SDK1: variants seen among roughly 807,000 people sequenced by gnomAD.
The protein encoded by SDK1 is protein sidekick-1.
In SDK1, 157 loss-of-function variants were observed where a neutral mutation model predicts 245.5. That is an observed-to-expected ratio of 0.64 (90% CI 0.56 to 0.73). The LOEUF is 0.73. Ranked by LOEUF, SDK1 falls within the 30% of genes least tolerant of loss-of-function variation. SDK1 has a pLI of 0.00. For missense variants in SDK1, 3,583 were observed against 3,002.3 expected, an observed-to-expected ratio of 1.19 and a Z score of -4.52; for synonymous variants, 1,647 against 1,278.5, an observed-to-expected ratio of 1.29 and a Z score of -6.15.
At chr7:4,007,846 C>G (rs930133101) in intron 14 of SDK1, among the ~76,000 whole-genome samples, 1 of 152,106 alleles carries the variant, frequency 6.6e-6, no homozygotes, top group Admixed American at 6.5e-5. Context: ...CCTCGTGATC[C>G]ACCTGCCTCA....
rs576112921 is a variant in SDK1 at position 3,373,888 on chromosome 7, A to T, written c.298+72004A>T. Among the ~76,000 whole-genome samples the T allele has an allele frequency of 2.6e-5, 4 of 152,264 alleles. No homozygotes were observed. In the South Asian group the frequency reaches 8.3e-4, roughly 32 times the overall value. On this transcript the variant is annotated intron_variant, in intron 1 of 44. Transcript: ENST00000404826. ...CTCATTCACAATCACAAGCCCAAAA[A>T]CTTGAAATAAACTTGATAAGTACAT...
chr7:4,166,716 C>T (rs370150259), intron 32 of SDK1, among the ~76,000 whole-genome samples: 47 of 152,264 alleles, frequency 3.1e-4, no homozygotes, highest in Middle Eastern at 3.4e-3. Context: ...CCACGGTGGC[C>T]GGATCAGATT....
At chr7:3,690,108 A>G (rs1784403346) in intron 4 of SDK1, among the ~76,000 whole-genome samples, 1 of 152,220 alleles carries the variant, frequency 6.6e-6, no homozygotes, top group Non-Finnish European at 1.5e-5. Flanking sequence ...TGTTTATGAC[A>G]CAGAACAGAT....
intron 16 of SDK1, among the ~76,000 whole-genome samples, chr7:4,015,304 C>A (rs1237781513): frequency 6.6e-6 from 1 of 152,150 alleles, no homozygotes; most frequent in African/African-American, 2.4e-5. Flanking sequence ...CATTGTGTAG[C>A]GTTGGGTCCA....
intron 35 of SDK1, among the ~76,000 whole-genome samples, chr7:4,200,275 C>T (rs144446715): frequency 8.5e-4 from 130 of 152,350 alleles, no homozygotes; most frequent in African/African-American, 2.9e-3. Context: ...AAACTCCAGG[C>T]GGTCTTGGAG....
rs1386967488 is a variant in SDK1 at position 3,466,385 on chromosome 7, T to C, written c.299-152695T>C. Among the ~76,000 whole-genome samples, 4 of 150,456 alleles carry C rather than the reference T, an allele frequency of 2.7e-5. No homozygotes were observed. In the Admixed American group the frequency reaches 2.7e-4, roughly 10 times the overall value. ...GTGACATCAAGCCATGCTGGCTCTC[T>C]GAAGTTGGAGAAATGCTGCATGCTC... is the stretch of plus-strand genomic sequence containing the variant. On this transcript the variant is annotated intron_variant, in intron 1 of 44. Transcript: ENST00000404826.
chr7:3,884,171 C>T (rs1781281860), intron 5 of SDK1, among the ~76,000 whole-genome samples: 2 of 151,720 alleles, frequency 1.3e-5, no homozygotes, highest in Middle Eastern at 3.4e-3. Context: ...GCCTCGACCT[C>T]CTGGGCTCAA....
intron 1 of SDK1, among the ~76,000 whole-genome samples, chr7:3,504,629 C>G (rs1324840006): frequency 6.6e-6 from 1 of 152,058 alleles, no homozygotes; most frequent in African/African-American, 2.4e-5. Flanking sequence ...ATGTTTAGAT[C>G]CCTACCTCAC....
intron 4 of SDK1, among the ~76,000 whole-genome samples, chr7:3,670,674 C>T (rs1214875313): frequency 1.3e-5 from 2 of 152,180 alleles, no homozygotes; most frequent in South Asian, 2.1e-4. Context: ...TGGGAATTCT[C>T]GTTGCTCTCC....
chr7:3,532,247 A>C (rs971664503), intron 1 of SDK1, among the ~76,000 whole-genome samples: 4 of 152,104 alleles, frequency 2.6e-5, no homozygotes, highest in African/African-American at 9.7e-5. Flanking sequence ...TGTGAACCCA[A>C]AGTTGTTAGG....
At chr7:4,067,355 C>T (rs1260893603) in intron 19 of SDK1, among the ~76,000 whole-genome samples, 4 of 152,258 alleles carry the variant, frequency 2.6e-5, no homozygotes, top group Non-Finnish European at 4.4e-5. Flanking sequence ...TTCAGGATAC[C>T]GATTGGGTTT....
Position 3,530,605 on chromosome 7 carries a change from A to G in SDK1, c.299-88475A>G, listed in dbSNP as rs530746116. ...GGAGTAAATAGCATTTCTGTTGTTT[A>G]TTTGTGATAACATTAAAAATACTTT... is the stretch of plus-strand genomic sequence containing the variant. On this transcript the variant is annotated intron_variant, in intron 1 of 44. Transcript: ENST00000404826. Among the ~76,000 whole-genome samples, 6 of 152,340 alleles carry G rather than the reference A, an allele frequency of 3.9e-5. No homozygotes were observed. In the South Asian group the frequency reaches 1.2e-3, roughly 32 times the overall value.
At chr7:3,356,367 C>A (rs1383830770) in intron 1 of SDK1, among the ~76,000 whole-genome samples, 1 of 152,152 alleles carries the variant, frequency 6.6e-6, no homozygotes. Context: ...AAGTAGGACG[C>A]TGCCAGCTCT....
chr7:3,648,312 G>A (rs1454713624), intron 4 of SDK1, among the ~76,000 whole-genome samples: 1 of 152,166 alleles, frequency 6.6e-6, no homozygotes, highest in East Asian at 1.9e-4. Context: ...CCATTCTTGT[G>A]CTTAATTGCA....
At chr7:3,562,716 G>A (rs7811384) in intron 1 of SDK1, among the ~76,000 whole-genome samples, 99,491 of 152,154 alleles carry the variant, frequency 0.65, 33,033 homozygotes, top group African/African-American at 0.76. Flanking sequence ...GTGCAATCAC[G>A]TTAAGTTCTG....
chr7:3,569,871 T>C (rs142063425), intron 1 of SDK1, among the ~76,000 whole-genome samples: 1 of 152,326 alleles, frequency 6.6e-6, no homozygotes, highest in African/African-American at 2.4e-5. Flanking sequence ...ACGTTGTTTA[T>C]TTTATGGTTA....
intron 4 of SDK1, among the ~76,000 whole-genome samples, chr7:3,816,858 GTTT>G (rs933469549): frequency 6.8e-6 from 1 of 146,312 alleles, no homozygotes; most frequent in Non-Finnish European, 1.5e-5. Context: ...TTTTGAAGTG[GTTT>G]TTTTTTTTAA....
intron 1 of SDK1, among the ~76,000 whole-genome samples, chr7:3,415,346 A>G (rs34148253): frequency 0.41 from 62,133 of 151,932 alleles, 14,264 homozygotes; most frequent in Admixed American, 0.51. Context: ...ATAGTGGAAG[A>G]GTGTATTGCA....
intron 1 of SDK1, among the ~76,000 whole-genome samples, chr7:3,510,902 T>C (rs541722130): frequency 3.9e-5 from 6 of 152,324 alleles, no homozygotes; most frequent in African/African-American, 1.4e-4. Flanking sequence ...TTTCAAAATA[T>C]GTCAAATTAA....
Sources: allele counts gnomAD v4.1 joint callset (sites outside exome capture counted in the v4.1 genomes callset), GRCh38; gene constraint gnomAD v4.1.1; transcripts MANE v1.5; gene names NCBI Gene and HGNC (gene_info 2026-07-23, HGNC 2026-07-21).